The following FBXO7 variants were observed in gnomAD, a reference collection of about 807,000 sequenced individuals.
The protein encoded by FBXO7 is F-box only protein 7.
A neutral mutation model predicts 50.2 loss-of-function variants in FBXO7; 31 were observed. That is an observed-to-expected ratio of 0.62 (90% confidence interval 0.46 to 0.83). The LOEUF (loss-of-function observed/expected upper bound fraction) is 0.83. Ranked by LOEUF, FBXO7 falls within the 40% of genes least tolerant of loss-of-function variation. The pLI is 0.00. For missense variants in FBXO7, 667 were observed against 646.6 expected, an observed-to-expected ratio of 1.03 and a Z score of -0.34; for synonymous variants, 256 against 253.1, an observed-to-expected ratio of 1.01 and a Z score of -0.11.
chr22:32,494,747 TA>T (rs1276489260), intron 7 of FBXO7, among the ~76,000 whole-genome samples: 1 of 152,230 alleles, frequency 6.6e-6, no homozygotes, highest in Non-Finnish European at 1.5e-5. Flanking sequence ...CTTTAATTTT[TA>T]GATTGTGGCC....
At chr22:32,494,962 A>T (rs922105829) in intron 7 of FBXO7, among the ~76,000 whole-genome samples, 4 of 152,254 alleles carry the variant, frequency 2.6e-5, no homozygotes, top group Non-Finnish European at 5.9e-5. Context: ...ACATTAAAAA[A>T]TACTTAGTTA....
chr22:32,498,608 T>C lies in FBXO7; in HGVS notation c.*78T>C. 6.7e-7 allele frequency: 1 copy of C among 1,488,156 alleles called. No individual in the cohort carries two copies. The highest frequency in any genetic ancestry group is 9.1e-7 in the Non-Finnish European group (1 of 1,098,564). 92.2% of individuals were successfully genotyped at this position (1,488,156 alleles called of 1,614,324 possible). A position where few individuals can be genotyped will look rare whatever the true frequency, so the allele number is the denominator to read the frequency against. ...AGATGTCAACTCCTTGGGGTGCTGATCTCGAGTGTTATTTTCTGATTGTGG... is the reference window on the plus strand; with the variant it reads ...AGATGTCAACTCCTTGGGGTGCTGACCTCGAGTGTTATTTTCTGATTGTGG... On this transcript the variant is annotated 3_prime_UTR_variant, in exon 9 of 9. Coordinates refer to ENST00000266087, the MANE Select transcript of FBXO7 (RefSeq NM_012179.4).
chr22:32,494,961 A>C (rs2057563039), intron 7 of FBXO7, among the ~76,000 whole-genome samples: 1 of 152,274 alleles, frequency 6.6e-6, no homozygotes, highest in Admixed American at 6.5e-5. Flanking sequence ...TACATTAAAA[A>C]ATACTTAGTT....
chr22:32,482,686 A>G (rs1343971189), intron 2 of FBXO7, among the ~76,000 whole-genome samples: 1 of 152,228 alleles, frequency 6.6e-6, no homozygotes, highest in Non-Finnish European at 1.5e-5. Flanking sequence ...TAGGATTGTT[A>G]TAAAGTGCAA....
intron 7 of FBXO7, among the ~76,000 whole-genome samples, chr22:32,494,309 G>A (rs942808782): frequency 2.0e-5 from 3 of 151,990 alleles, no homozygotes; most frequent in Non-Finnish European, 4.4e-5. Context: ...ACAATTGGCA[G>A]CAAGAAAGCA....
chr22:32,483,315 G>A (rs534724655), intron 2 of FBXO7, among the ~76,000 whole-genome samples: 4 of 152,204 alleles, frequency 2.6e-5, no homozygotes, highest in South Asian at 2.1e-4. Flanking sequence ...CACTTATTCC[G>A]TGTGCACCAC....
intron 8 of FBXO7, 39 bp downstream of exon 8, chr22:32,495,569 CAG>C: frequency 8.6e-7 from 1 of 1,161,828 alleles, no homozygotes; most frequent in East Asian, 2.4e-5. Context: ...GTCCATAACA[CAG>C]AAATGACTAG....
At chr22:32,490,752 T>C (rs549756355) in intron 5 of FBXO7, 28 of 287,402 alleles carry the variant, frequency 9.7e-5, no homozygotes, top group African/African-American at 6.2e-4. Flanking sequence ...AGTTCTCCAC[T>C]GTATCCTTAG....
At chr22:32,491,754 T>G (rs1226683473) in intron 6 of FBXO7, 1 of 152,108 alleles carries the variant, frequency 6.6e-6, no homozygotes, top group East Asian at 1.9e-4. Context: ...TCGAAGTAAA[T>G]TATGTGGTAC....
rs749742547 is a variant in FBXO7 at position 32,485,167 on chromosome 22, A to G, written c.745A>G (p.Thr249Ala). 2.9e-5 allele frequency: 47 copies of G among 1,614,096 alleles called. No individual in the cohort carries two copies. Among genetic ancestry groups the G allele is most frequent in the Non-Finnish European group, 3.6e-5 (43 of 1,180,012 alleles). ...TCCTCTCTGCGAGGGCAGCTCCGCT[A>G]CTCTCACCTGTGTGCCTTTGGGAAA... ...MHPLCEGSSA[T>A]LTCVPLGNLI... Residue 249 changes from threonine (T) to alanine (A), a missense_variant, in exon 4 of 9, where the codon ACT becomes GCT. Coordinates refer to ENST00000266087, the MANE Select transcript of FBXO7 (RefSeq NM_012179.4).
chr22:32,496,441 C>T (rs1382303224), intron 8 of FBXO7, among the ~76,000 whole-genome samples: 1 of 152,128 alleles, frequency 6.6e-6, no homozygotes, highest in Non-Finnish European at 1.5e-5. Context: ...AAGATCGCTC[C>T]ATTGCACTCC....
Position 32,491,073 on chromosome 22 carries a change from A to C in FBXO7, c.872-13A>C, listed in dbSNP as rs1192493057. On this transcript the variant is annotated splice_polypyrimidine_tract_variant and intron_variant, in intron 5 of 8. Coordinates refer to ENST00000266087, the MANE Select transcript of FBXO7 (RefSeq NM_012179.4). ...GATTTTGGGTTTTGATTTTACTTTAAAAAATATTCTAGGGGAAAATGTAGC... is the reference window on the plus strand; with the variant it reads ...GATTTTGGGTTTTGATTTTACTTTACAAAATATTCTAGGGGAAAATGTAGC... 1 of 1,602,318 alleles carries C rather than the reference A, an allele frequency of 6.2e-7. No individual in the cohort carries two copies. The highest frequency in any genetic ancestry group is 2.2e-5 in the East Asian group (1 of 44,776).
Position 32,475,031 on chromosome 22 carries a change from G to C in FBXO7, c.29G>C (p.Arg10Pro). 1 of 1,541,508 alleles carries C rather than the reference G, an allele frequency of 6.5e-7. No individual in the cohort carries two copies. The highest frequency in any genetic ancestry group is 8.7e-7 in the Non-Finnish European group (1 of 1,145,422). The change falls in exon 1 of 9, where the codon CGG becomes CCG. Residue 10 changes from arginine to proline, a missense_variant. Physicochemically the swap from Arg to Pro is moderately radical, Grantham distance 103 (BLOSUM62 -2). Coordinates refer to ENST00000266087, the MANE Select transcript of FBXO7 (RefSeq NM_012179.4). Reference sequence around the variant, plus strand: ...AGGCTGCGGGTGCGGCTTCTGAAGCGGACCTGGCCGCTGGAGGTGCCCGAG... The same window carrying C: ...AGGCTGCGGGTGCGGCTTCTGAAGCCGACCTGGCCGCTGGAGGTGCCCGAG... MRLRVRLLK[R>P]TWPLEVPETE...
intron 5 of FBXO7, chr22:32,490,061 A>G (rs2057524187): frequency 1.3e-5 from 2 of 152,244 alleles, no homozygotes; most frequent in South Asian, 4.1e-4. Context: ...CATTAGCTGC[A>G]TATCTCTTTC....
At position 32,485,106 on chromosome 22, in the gene FBXO7, G is replaced by C; in HGVS notation, c.684G>C (p.Trp228Cys). 6.2e-7 allele frequency: 1 copy of C among 1,614,182 alleles called. No homozygotes were observed. The highest frequency in any genetic ancestry group is 8.5e-7 in the Non-Finnish European group (1 of 1,180,024). The change falls in exon 4 of 9, where the codon TGG becomes TGC. Residue 228 changes from tryptophan to cysteine, a missense_variant. Coordinates refer to ENST00000266087, the MANE Select transcript of FBXO7 (RefSeq NM_012179.4). ...EAKALSMPEK[W>C]KLSGVYKLQY... ...AAGCACTGTCCATGCCGGAGAAGTGGAAGTTGAGCGGGGTGTATAAGCTGC... is the reference window on the plus strand; with the variant it reads ...AAGCACTGTCCATGCCGGAGAAGTGCAAGTTGAGCGGGGTGTATAAGCTGC...
intron 1 of FBXO7, chr22:32,475,801 C>G (rs74681375): frequency 0.022 from 3,813 of 169,490 alleles, 142 homozygotes; most frequent in African/African-American, 0.086. Context: ...TTTGCTAAAA[C>G]TGAGGCAAAC....
rs2057447299 is a variant in FBXO7 at position 32,479,140 on chromosome 22, G to A, written c.282G>A (p.Glu94=). Residue 94 remains glutamate (E), a synonymous_variant, in exon 2 of 9, where the codon GAG becomes GAA. Transcript: ENST00000266087. ...APNIPSSTDS[E]HSSLQNNEQP... ...ATATACCTTCATCCACAGATTCAGA[G>A]CATTCTTCACTCCAGAATAATGAGC... 2 of 1,614,084 alleles carry A rather than the reference G, an allele frequency of 1.2e-6. No individual in the cohort carries two copies. The highest frequency in any genetic ancestry group is 8.5e-7 in the Non-Finnish European group (1 of 1,180,024).
Position 32,484,007 on chromosome 22 carries a change from A to C in FBXO7, c.528A>C (p.Glu176Asp). Residue 176 changes from glutamate to aspartate, a missense_variant, in exon 3 of 9, where the codon GAA becomes GAC. Coordinates refer to ENST00000266087, the MANE Select transcript of FBXO7 (RefSeq NM_012179.4). ...CCATGCTCTGTAGTGAATCGGTGGA[A>C]GGGCAAGTGCCACATTCATTAGAGA... Reference protein sequence around the residue: ...SEPMLCSESVEGQVPHSLETL... With the variant: ...SEPMLCSESVDGQVPHSLETL... 2 of 1,614,176 alleles carry C rather than the reference A, an allele frequency of 1.2e-6. No homozygotes were observed. The highest frequency in any genetic ancestry group is 1.7e-6 in the Non-Finnish European group (2 of 1,180,018).
At chr22:32,475,146 G>A in intron 1 of FBXO7, 22 bp downstream of exon 1, 1 of 1,537,012 alleles carries the variant, frequency 6.5e-7, no homozygotes, top group Non-Finnish European at 8.8e-7. Flanking sequence ...CCGGGGCTGG[G>A]CGGCCCGCGG....
Sources: allele counts gnomAD v4.1 joint callset (sites outside exome capture counted in the v4.1 genomes callset), GRCh38; gene constraint gnomAD v4.1.1; transcripts MANE v1.5; gene names NCBI Gene and HGNC (gene_info 2026-07-23, HGNC 2026-07-21).